PCDHGA2: variants seen among roughly 807,000 people sequenced by gnomAD.
The protein encoded by PCDHGA2 is protocadherin gamma-A2.
In PCDHGA2, 40 loss-of-function variants were observed where a neutral mutation model predicts 59.2. That is an observed-to-expected ratio of 0.68 (90% CI 0.52 to 0.88). PCDHGA2 has a LOEUF of 0.88. Ranked by LOEUF, PCDHGA2 falls within the 40% of genes least tolerant of loss-of-function variation. PCDHGA2 has a pLI of 0.00. For missense variants in PCDHGA2, 1,226 were observed against 1,204.0 expected (o/e 1.02, Z -0.27); for synonymous variants, 560 against 526.0 (o/e 1.06, Z -0.89).
At position 141,490,370 on chromosome 5, in the gene PCDHGA2, G is replaced by C. The variant is rs768474199; in HGVS notation, c.2425-4437G>C. ...GTGGGGTTGTTTAATGTGCGAGACC[G>C]GGACTCAGGTAGAAATGGTGAAGTG... On this transcript the variant is annotated intron_variant, in intron 1 of 3. Coordinates refer to ENST00000394576, the MANE Select transcript of PCDHGA2 (RefSeq NM_018915.4). The surrounding 1 kb of genome is among the most constrained non-coding windows in gnomAD (Gnocchi z 5.4). 1 of 1,614,172 alleles carries C rather than the reference G, an allele frequency of 6.2e-7. No individual in the cohort carries two copies. Among genetic ancestry groups the C allele is most frequent in the Admixed American group, 1.7e-5 (1 of 60,026 alleles).
rs549924049 is a variant in PCDHGA2 at position 141,345,435 on chromosome 5, G to A, written c.2424+4040G>A. The A allele has an allele frequency of 1.3e-5, 21 of 1,613,972 alleles. 1 individual carries two copies. The South Asian group carries it at 2.3e-4, about 18-fold the overall frequency. On this transcript the variant is annotated intron_variant, in intron 1 of 3. Coordinates refer to ENST00000394576, the MANE Select transcript of PCDHGA2 (RefSeq NM_018915.4). ...CTACATTCCAGAAAACAACCCCAGA[G>A]GAGCCTCCATCTTCTCAGTGACAGC...
At chr5:141,366,182 G>T (rs1449596963) in intron 1 of PCDHGA2, 4 of 1,613,888 alleles carry the variant, frequency 2.5e-6, no homozygotes, top group African/African-American at 1.3e-5. Flanking sequence ...AGGACTCTTT[G>T]CGGTTGGGCT....
Position 141,512,495 on chromosome 5 carries a change from C to T in PCDHGA2, c.*1322C>T, listed in dbSNP as rs2099884264. 1 of 152,920 alleles carries T rather than the reference C, an allele frequency of 6.5e-6. No homozygotes were observed. The highest frequency in any genetic ancestry group is 1.5e-5 in the Non-Finnish European group (1 of 68,240). The allele number at this position is 152,920 out of a possible 1,614,324, so 9.5% of individuals were successfully genotyped here. A position where few individuals can be genotyped will look rare whatever the true frequency, so the allele number is the denominator to read the frequency against. On this transcript the variant is annotated 3_prime_UTR_variant, in exon 4 of 4. Coordinates refer to ENST00000394576, the MANE Select transcript of PCDHGA2 (RefSeq NM_018915.4). ...TTCCGTGAAGGCCACTGCCCAGGTCCCCAGTGCGCCCCCTAGTGGCCATAG... is the reference window on the plus strand; with the variant it reads ...TTCCGTGAAGGCCACTGCCCAGGTCTCCAGTGCGCCCCCTAGTGGCCATAG...
At chr5:141,344,795 C>A (rs200798114) in intron 1 of PCDHGA2, 6 of 1,613,938 alleles carry the variant, frequency 3.7e-6, no homozygotes, top group East Asian at 2.2e-5. Context: ...TTTGGGAGAA[C>A]GTGCCTGTGG....
intron 1 of PCDHGA2, chr5:141,344,684 T>C: frequency 1.9e-6 from 3 of 1,613,988 alleles, no homozygotes; most frequent in Non-Finnish European, 2.5e-6. Context: ...CCTCTGATGG[T>C]GGCGACCCTG....
rs201022484 is a variant in PCDHGA2, at chr5:141,376,043, C to T, written c.2424+34648C>T. On this transcript the variant is annotated intron_variant, in intron 1 of 3. Coordinates refer to ENST00000394576, the MANE Select transcript of PCDHGA2 (RefSeq NM_018915.4). ...CGTCCAGGACCACGGCCAGCCCCCTCTCTCCGCCACTGTCACGCTCACCGT... is the reference window on the plus strand; with the variant it reads ...CGTCCAGGACCACGGCCAGCCCCCTTTCTCCGCCACTGTCACGCTCACCGT... 7.1e-4 allele frequency: 1,140 copies of T among 1,613,172 alleles called. 2 individuals carry two copies. Among genetic ancestry groups the T allele is most frequent in the Non-Finnish European group, 8.8e-4 (1,041 of 1,179,846 alleles).
intron 1 of PCDHGA2, chr5:141,423,752 G>T: frequency 6.2e-6 from 4 of 644,948 alleles, no homozygotes; most frequent in Non-Finnish European, 7.8e-6. Context: ...AAACTGTTTG[G>T]GGGGGGGGTG....
chr5:141,429,861 A>C (rs1483953460), intron 1 of PCDHGA2, among the ~76,000 whole-genome samples: 1 of 152,226 alleles, frequency 6.6e-6, no homozygotes, highest in Non-Finnish European at 1.5e-5. Flanking sequence ...TCTTTGGACT[A>C]CCAATTTTCT....
chr5:141,355,955 G>A (rs1334601429), intron 1 of PCDHGA2: 3 of 1,613,744 alleles, frequency 1.9e-6, no homozygotes, highest in South Asian at 1.1e-5. Flanking sequence ...GTAAGTGTTC[G>A]TGAGAACGTT....
At chr5:141,409,137 T>G (rs748502213) in intron 1 of PCDHGA2, 1 of 1,613,936 alleles carries the variant, frequency 6.2e-7, no homozygotes, top group Non-Finnish European at 8.5e-7. Flanking sequence ...TTTGAAGATG[T>G]AGAAAGGTAC....
Position 141,403,985 on chromosome 5 carries a change from C to T in PCDHGA2, c.2424+62590C>T, listed in dbSNP as rs765326042. The T allele has an allele frequency of 5.7e-5, 92 of 1,613,546 alleles. No individual in the cohort carries two copies. The Admixed American group carries it at 7.2e-4, about 13-fold the overall frequency. On this transcript the variant is annotated intron_variant, in intron 1 of 3. Coordinates refer to ENST00000394576, the MANE Select transcript of PCDHGA2 (RefSeq NM_018915.4). ...GGTGGAAGATGTAAATGACAATAGA[C>T]CTGAAGTGACCATTACATCTCTGTT...
intron 1 of PCDHGA2, among the ~76,000 whole-genome samples, chr5:141,467,017 C>T (rs1036255706): frequency 4.0e-5 from 6 of 151,156 alleles, no homozygotes; most frequent in African/African-American, 1.5e-4. Context: ...AATTTTTTTC[C>T]CTTTGTTTTT....
intron 1 of PCDHGA2, among the ~76,000 whole-genome samples, chr5:141,368,336 T>C (rs1395637644): frequency 6.6e-6 from 1 of 152,126 alleles, no homozygotes; most frequent in Non-Finnish European, 1.5e-5. Flanking sequence ...TCTATATCTA[T>C]ATACATATAC....
chr5:141,339,809 T>G lies in PCDHGA2; in HGVS notation c.838T>G (p.Phe280Val). The change falls in exon 1 of 4, where the codon TTT (phenylalanine) becomes GTT (valine). Residue 280 changes from phenylalanine (F) to valine (V), a missense_variant. By Grantham distance (50) the Phe-to-Val change is conservative. Transcript: ENST00000394576. ...GGGCTACTACGCTCAAGTGGTATATTTTCTAGAGAAAAGCCCTGGAGAAAC... is the reference window on the plus strand; with the variant it reads ...GGGCTACTACGCTCAAGTGGTATATGTTCTAGAGAAAAGCCCTGGAGAAAC... ...DEGYYAQVVY[F>V]LEKSPGETSE... 1 of 1,614,188 alleles carries G rather than the reference T, an allele frequency of 6.2e-7. No homozygotes were observed. Among genetic ancestry groups the G allele is most frequent in the Non-Finnish European group, 8.5e-7 (1 of 1,180,036 alleles).
intron 1 of PCDHGA2, chr5:141,383,720 A>T (rs963032230): frequency 1.2e-5 from 19 of 1,613,888 alleles, no homozygotes; most frequent in Non-Finnish European, 1.6e-5. Flanking sequence ...GAGGGAGTCA[A>T]TGGGGAAGTG....
At position 141,486,455 on chromosome 5, in the gene PCDHGA2, T is replaced by G; in HGVS notation, c.2425-8352T>G. On this transcript the variant is annotated intron_variant, in intron 1 of 3. Transcript: ENST00000394576. This position sits in a 1 kb window ranked among gnomAD's most constrained non-coding sequence, Gnocchi z 5.0. Reference sequence around the variant, plus strand: ...TAGCTATGACATCATGGTCACTGCTTCTGATGCTGGGAACCCTCCTCTCAG... The same window carrying G: ...TAGCTATGACATCATGGTCACTGCTGCTGATGCTGGGAACCCTCCTCTCAG... 6.2e-7 allele frequency: 1 copy of G among 1,614,066 alleles called. No homozygotes were observed. Among genetic ancestry groups the G allele is most frequent in the Non-Finnish European group, 8.5e-7 (1 of 1,179,892 alleles).
chr5:141,461,595 A>C (rs2099018386), intron 1 of PCDHGA2, among the ~76,000 whole-genome samples: 1 of 152,144 alleles, frequency 6.6e-6, no homozygotes, highest in East Asian at 1.9e-4. Flanking sequence ...TATTTCCATT[A>C]TAATTTAGTT....
intron 2 of PCDHGA2, among the ~76,000 whole-genome samples, chr5:141,505,119 G>A (rs371973470): frequency 3.1e-4 from 47 of 152,210 alleles, no homozygotes; most frequent in African/African-American, 1.0e-3. Flanking sequence ...CCAAGATCGC[G>A]CCACTGCACT....
At chr5:141,417,050 C>T (rs1420453271) in intron 1 of PCDHGA2, 3 of 151,552 alleles carry the variant, frequency 2.0e-5, no homozygotes, top group Non-Finnish European at 4.4e-5. Flanking sequence ...AAAAAAACTG[C>T]TCTTGACATT....
Sources: allele counts gnomAD v4.1 joint callset (sites outside exome capture counted in the v4.1 genomes callset), GRCh38; gene constraint gnomAD v4.1.1; non-coding constraint Gnocchi (gnomAD v3.1); transcripts MANE v1.5; gene names NCBI Gene and HGNC (gene_info 2026-07-23, HGNC 2026-07-21).